Variants in CTIF observed in about 807,000 individuals in gnomAD.
The protein encoded by CTIF is CBP80/20-dependent translation initiation factor.
CTIF carries 21 observed loss-of-function variants against 66.0 expected under a neutral mutation model. The ratio of observed to expected loss-of-function variants is 0.32; its 90% CI spans 0.23 to 0.46. CTIF has a LOEUF of 0.46. Ranked by LOEUF, CTIF falls within the 20% of genes least tolerant of loss-of-function variation. The probability of loss-of-function intolerance (pLI) is 1.00; values close to 1 mark genes in which losing one functional copy is unlikely to be tolerated. For synonymous variants in CTIF, 345 were observed against 326.4 expected, an observed-to-expected ratio of 1.06 and a Z score of -0.62; for missense variants, 739 against 812.7, an observed-to-expected ratio of 0.91 and a Z score of 1.10.
chr18:48,833,333 G>A (rs557296820), intron 10 of CTIF, among the ~76,000 whole-genome samples: 1 of 152,322 alleles, frequency 6.6e-6, no homozygotes, highest in Non-Finnish European at 1.5e-5. Context: ...CAGTGAGGGT[G>A]GGAGGGTAGC....
intron 10 of CTIF, among the ~76,000 whole-genome samples, chr18:48,856,343 A>G (rs1402951719): frequency 6.6e-6 from 1 of 152,268 alleles, no homozygotes; most frequent in Non-Finnish European, 1.5e-5. Flanking sequence ...GTGGGAAAAC[A>G]GTCTTGCAGC....
intron 1 of CTIF, among the ~76,000 whole-genome samples, chr18:48,564,502 G>A (rs578134461): frequency 6.3e-4 from 96 of 152,328 alleles, no homozygotes; most frequent in African/African-American, 2.2e-3. Flanking sequence ...GTTAACTATT[G>A]ACAGAACATT....
chr18:48,752,756 G>A (rs116741092), intron 7 of CTIF, among the ~76,000 whole-genome samples: 4,931 of 152,220 alleles, frequency 0.032, 260 homozygotes, highest in African/African-American at 0.11. Context: ...AGTGTCCTGC[G>A]GGGGACACCC....
intron 9 of CTIF, among the ~76,000 whole-genome samples, chr18:48,771,779 G>A (rs907059695): frequency 5.3e-5 from 8 of 152,222 alleles, no homozygotes; most frequent in African/African-American, 1.9e-4. Context: ...GCAGGAGACA[G>A]CAGATCCTTC....
rs905941763 is a variant in CTIF, at chr18:48,554,014, AC to A, written c.-29+14704del. ...GCTCCAGACTCCCAAGCTCCCTGAC[AC>A]CAGTATTTGGGTGGATGGGAAGAGG... On this transcript the variant is annotated intron_variant, in intron 1 of 11. Coordinates refer to ENST00000256413, the MANE Select transcript of CTIF (RefSeq NM_014772.3). 1.1e-3 allele frequency among the ~76,000 whole-genome samples: 164 copies of A among 152,092 alleles called. 1 individual carries two copies. The highest frequency in any genetic ancestry group is 3.6e-3 in the African/African-American group (149 of 41,510).
intron 7 of CTIF, among the ~76,000 whole-genome samples, chr18:48,756,867 G>A (rs1908416732): frequency 6.6e-6 from 1 of 152,200 alleles, no homozygotes; most frequent in Non-Finnish European, 1.5e-5. Context: ...GTTGTCAGAT[G>A]AGCCTGTCTT....
chr18:48,837,214 C>T (rs914708122), intron 10 of CTIF, among the ~76,000 whole-genome samples: 1 of 152,132 alleles, frequency 6.6e-6, no homozygotes. Flanking sequence ...CTCATGGTCT[C>T]GGATCCAAAT....
intron 2 of CTIF, among the ~76,000 whole-genome samples, chr18:48,621,056 T>G (rs1273221812): frequency 2.0e-5 from 3 of 152,176 alleles, no homozygotes; most frequent in Admixed American, 6.5e-5. Context: ...TTATAATTTG[T>G]TTGTTATTCA....
At chr18:48,670,640 C>T in intron 5 of CTIF, 29 bp from the exon 6 acceptor site, 1 of 1,604,736 alleles carries the variant, frequency 6.2e-7, no homozygotes, top group South Asian at 1.1e-5. Context: ...AGCCATCTTT[C>T]CAATGCCTTT....
chr18:48,825,931 T>G, intron 10 of CTIF: 1 of 152,182 alleles, frequency 6.6e-6, no homozygotes, highest in Non-Finnish European at 1.5e-5. Flanking sequence ...CGGCCAAGGT[T>G]AAGGAACATA....
At chr18:48,772,302 C>A (rs938011564) in intron 9 of CTIF, among the ~76,000 whole-genome samples, 1 of 152,100 alleles carries the variant, frequency 6.6e-6, no homozygotes, top group Non-Finnish European at 1.5e-5. Context: ...TTCTTTTTGG[C>A]AAATTATTAT....
At chr18:48,753,601 C>CAA (rs397858285) in intron 7 of CTIF, among the ~76,000 whole-genome samples, 29 of 143,960 alleles carry the variant, frequency 2.0e-4, no homozygotes, top group Non-Finnish European at 3.5e-4. Flanking sequence ...TTCCATTCTC[C>CAA]AAAAAAAAAA....
intron 1 of CTIF, among the ~76,000 whole-genome samples, chr18:48,552,945 G>A (rs924636666): frequency 2.6e-5 from 4 of 152,258 alleles, no homozygotes; most frequent in South Asian, 2.1e-4. Context: ...GGGCTTGGAC[G>A]ATATAATACT....
intron 9 of CTIF, among the ~76,000 whole-genome samples, chr18:48,794,384 A>T (rs1461191888): frequency 1.3e-5 from 2 of 152,152 alleles, no homozygotes; most frequent in Non-Finnish European, 2.9e-5. Context: ...GCCAGATCTA[A>T]GGGCCATCTG....
intron 6 of CTIF, among the ~76,000 whole-genome samples, chr18:48,707,929 T>C (rs1036021310): frequency 3.3e-5 from 5 of 152,180 alleles, no homozygotes; most frequent in Admixed American, 6.5e-5. Context: ...TCTGCAGATA[T>C]GCCTATTATG....
At chr18:48,555,917 A>C (rs1488184623) in intron 1 of CTIF, among the ~76,000 whole-genome samples, 1 of 152,218 alleles carries the variant, frequency 6.6e-6, no homozygotes, top group Non-Finnish European at 1.5e-5. Context: ...GCCTTCAGCC[A>C]GCAGGAGAGA....
At chr18:48,718,968 CT>C (rs1198192668) in intron 7 of CTIF, among the ~76,000 whole-genome samples, 1 of 152,152 alleles carries the variant, frequency 6.6e-6, no homozygotes, top group Non-Finnish European at 1.5e-5. Flanking sequence ...CTGCAGCTGC[CT>C]TTTCTGGGCT....
rs192510180 is a variant in CTIF, at chr18:48,645,047, C to T, written c.252+8362C>T. ...TTGTTGAAAATATAGACCTAAACTT[C>T]TGCTTCTGGAAAATGCAATAGATGT... On this transcript the variant is annotated intron_variant, in intron 3 of 11. Coordinates refer to ENST00000256413, the MANE Select transcript of CTIF (RefSeq NM_014772.3). Among the ~76,000 whole-genome samples the T allele has an allele frequency of 7.8e-3, 1,182 of 152,264 alleles. 46 individuals are homozygous for T. Among genetic ancestry groups the T allele is most frequent in the Admixed American group, 0.067 (1,023 of 15,294 alleles).
chr18:48,633,696 C>T (rs1332430104), intron 2 of CTIF, among the ~76,000 whole-genome samples: 3 of 126,148 alleles, frequency 2.4e-5, no homozygotes, highest in South Asian at 2.4e-4. Flanking sequence ...AATGAGCCTC[C>T]ATCTCAATAA....
Sources: allele counts gnomAD v4.1 joint callset (sites outside exome capture counted in the v4.1 genomes callset), GRCh38; gene constraint gnomAD v4.1.1; transcripts MANE v1.5; gene names NCBI Gene and HGNC (gene_info 2026-07-23, HGNC 2026-07-21).